IQCM: variants seen among roughly 807,000 people sequenced by gnomAD.
IQCM encodes IQ domain-containing protein M.
IQCM carries 45 observed loss-of-function variants against 57.6 expected under a neutral mutation model. That is an observed-to-expected ratio of 0.78 (90% CI 0.62 to 1.00). IQCM has a LOEUF of 1.00. Ranked by LOEUF, IQCM falls within the 50% of genes least tolerant of loss-of-function variation. The pLI, the probability that IQCM is intolerant of heterozygous loss-of-function variation, is 0.00. For synonymous variants in IQCM, 148 were observed against 158.9 expected, an observed-to-expected ratio of 0.93 and a Z score of 0.51; for missense variants, 468 against 511.6, an observed-to-expected ratio of 0.91 and a Z score of 0.82.
At position 149,552,604 on chromosome 4, in the gene IQCM, A is replaced by G. The variant is rs181175159; in HGVS notation, c.1093+539T>C. The stretch of plus-strand genomic sequence containing the variant: ...TGTCCATTAACTATTATTCTGGTAT[A>G]TACAATTTTTCTTTGTGCAGCTACC... On this transcript the variant is annotated intron_variant, in intron 11 of 13. Coordinates refer to ENST00000636793, the MANE Select transcript of IQCM (RefSeq NM_001363507.2). Among the ~76,000 whole-genome samples the G allele has an allele frequency of 2.0e-5, 3 of 152,302 alleles. No individual in the cohort carries two copies. The East Asian group carries it at 5.8e-4, about 29-fold the overall frequency.
chr4:149,662,677 A>G (rs905395229), intron 7 of IQCM, among the ~76,000 whole-genome samples: 5 of 151,818 alleles, frequency 3.3e-5, no homozygotes, highest in African/African-American at 9.7e-5. Context: ...GTTTCTTTCT[A>G]TAATTTTTTA....
intron 7 of IQCM, among the ~76,000 whole-genome samples, chr4:149,644,300 T>A (rs1326477322): frequency 6.6e-6 from 1 of 152,192 alleles, no homozygotes. Flanking sequence ...CTTCCCAAAG[T>A]ACTTTTCCTC....
intron 13 of IQCM, among the ~76,000 whole-genome samples, chr4:149,361,582 C>T (rs779189967): frequency 6.6e-5 from 10 of 152,184 alleles, no homozygotes; most frequent in Non-Finnish European, 1.3e-4. Flanking sequence ...CAGGCTGTGG[C>T]TTCAGAGGTT....
chr4:149,531,545 T>C (rs1579387047), intron 12 of IQCM, among the ~76,000 whole-genome samples: 1 of 152,204 alleles, frequency 6.6e-6, no homozygotes, highest in Non-Finnish European at 1.5e-5. Context: ...TTATCAAGCT[T>C]TTTTAAAATG....
chr4:149,809,878 A>T (rs1316351040), intron 2 of IQCM, among the ~76,000 whole-genome samples: 1 of 152,212 alleles, frequency 6.6e-6, no homozygotes, highest in Non-Finnish European at 1.5e-5. Context: ...TACCATAAGC[A>T]ACCCAGATAG....
intron 8 of IQCM, among the ~76,000 whole-genome samples, chr4:149,605,524 A>G (rs1046844465): frequency 5.3e-5 from 8 of 152,206 alleles, no homozygotes; most frequent in African/African-American, 1.7e-4. Flanking sequence ...TTTTGCATGT[A>G]GTACATTCTC....
chr4:149,728,678 A>G (rs919890808), intron 5 of IQCM, among the ~76,000 whole-genome samples: 6 of 152,228 alleles, frequency 3.9e-5, no homozygotes, highest in African/African-American at 1.2e-4. Flanking sequence ...AGACAAATCT[A>G]TCACATAGCC....
At chr4:149,548,222 C>CA (rs958480957) in intron 12 of IQCM, among the ~76,000 whole-genome samples, 26 of 152,082 alleles carry the variant, frequency 1.7e-4, no homozygotes, top group African/African-American at 6.0e-4. Flanking sequence ...CATCTTCCTC[C>CA]AAAAAAACCT....
At chr4:149,370,043 G>A (rs1259582502) in intron 13 of IQCM, among the ~76,000 whole-genome samples, 1 of 152,020 alleles carries the variant, frequency 6.6e-6, no homozygotes, top group Non-Finnish European at 1.5e-5. Context: ...CTACAGGCTG[G>A]GGCCACCACG....
At chr4:149,352,459 C>A (rs573012946) in intron 13 of IQCM, among the ~76,000 whole-genome samples, 10 of 152,270 alleles carry the variant, frequency 6.6e-5, no homozygotes, top group Non-Finnish European at 2.9e-5. Flanking sequence ...TATGTTGAAT[C>A]CACATGAATG....
chr4:149,763,686 A>T (rs776595301), intron 2 of IQCM, among the ~76,000 whole-genome samples: 3 of 152,138 alleles, frequency 2.0e-5, no homozygotes, highest in Non-Finnish European at 4.4e-5. Flanking sequence ...AGAGCCAGTG[A>T]TCTGCTCAAG....
At chr4:149,562,903 C>T (rs1488388547) in intron 10 of IQCM, among the ~76,000 whole-genome samples, 1 of 152,054 alleles carries the variant, frequency 6.6e-6, no homozygotes, top group Non-Finnish European at 1.5e-5. Context: ...AGAGGTTTTT[C>T]GCAGAAGATC....
At position 149,469,776 on chromosome 4, in the gene IQCM, C is replaced by T. The variant is rs185284852; in HGVS notation, c.1229-36219G>A. 3.8e-3 allele frequency among the ~76,000 whole-genome samples: 580 copies of T among 152,268 alleles called. 2 individuals carry two copies. The highest frequency in any genetic ancestry group is 0.013 in the African/African-American group (538 of 41,572). Reference sequence around the variant, plus strand: ...CCCATCAGACTAACAGCGGATCTCTCGGCAGAAACTCTACAAGCGAGAAGA... The same window carrying T: ...CCCATCAGACTAACAGCGGATCTCTTGGCAGAAACTCTACAAGCGAGAAGA... On this transcript the variant is annotated intron_variant, in intron 12 of 13. Coordinates refer to ENST00000636793, the MANE Select transcript of IQCM (RefSeq NM_001363507.2).
At chr4:149,490,850 G>T (rs113866305) in intron 12 of IQCM, among the ~76,000 whole-genome samples, 1 of 152,080 alleles carries the variant, frequency 6.6e-6, no homozygotes, top group South Asian at 2.1e-4. Flanking sequence ...ACAATCGCCC[G>T]TGACCTGGAT....
At chr4:149,759,047 G>T (rs1769259883) in intron 2 of IQCM, among the ~76,000 whole-genome samples, 1 of 152,114 alleles carries the variant, frequency 6.6e-6, no homozygotes, top group East Asian at 1.9e-4. Context: ...AAGCAACCAC[G>T]ATATCCTTCA....
At position 149,503,191 on chromosome 4, in the gene IQCM, A is replaced by T. The variant is rs568294833; in HGVS notation, c.1228+45264T>A. On this transcript the variant is annotated intron_variant, in intron 12 of 13. Coordinates refer to ENST00000636793, the MANE Select transcript of IQCM (RefSeq NM_001363507.2). ...AGCTATGATCATGCCACTGCACTTC[A>T]GCCTGGGCAACAGAGCAAGACCCTG... 2.0e-5 allele frequency among the ~76,000 whole-genome samples: 3 copies of T among 152,302 alleles called. No homozygotes were observed. The South Asian group carries it at 6.2e-4, about 32-fold the overall frequency.
chr4:149,548,652 A>T (rs1339382856), intron 11 of IQCM, 63 bp from the exon 12 acceptor site: 1 of 811,440 alleles, frequency 1.2e-6, no homozygotes, highest in Non-Finnish European at 1.7e-6. Context: ...AAAAACTTTA[A>T]CTCTAGCTTT....
At chr4:149,461,007 G>A (rs931506006) in intron 12 of IQCM, among the ~76,000 whole-genome samples, 2 of 152,048 alleles carry the variant, frequency 1.3e-5, no homozygotes, top group Non-Finnish European at 2.9e-5. Flanking sequence ...GGCTGAGGTG[G>A]GCAGATCACC....
chr4:149,367,229 A>G lies in IQCM; in HGVS notation c.1391-15163T>C, dbSNP rs570310497. On this transcript the variant is annotated intron_variant, in intron 13 of 13. Coordinates refer to ENST00000636793, the MANE Select transcript of IQCM (RefSeq NM_001363507.2). ...CACTATTTATAGCACTCATTTTTTA[A>G]GGAGTTCCATGCTACATTATATTGT... Among the ~76,000 whole-genome samples the G allele has an allele frequency of 3.2e-4, 49 of 152,124 alleles. 1 individual carries two copies. The South Asian group carries it at 0.01, about 32-fold the overall frequency.
Sources: allele counts gnomAD v4.1 joint callset (sites outside exome capture counted in the v4.1 genomes callset), GRCh38; gene constraint gnomAD v4.1.1; transcripts MANE v1.5; gene names NCBI Gene and HGNC (gene_info 2026-07-23, HGNC 2026-07-21).